AGBL1: variants seen among roughly 807,000 people sequenced by gnomAD.
The protein encoded by AGBL1 is AGBL carboxypeptidase 1.
Under a neutral mutation model 118.9 loss-of-function variants are expected in AGBL1, and 130 were observed. That is an observed-to-expected ratio of 1.09 (90% CI 0.95 to 1.26). The LOEUF is 1.26. Among genes scored for constraint, AGBL1 ranks in the 50% most tolerant of loss-of-function variants. The pLI, the probability that AGBL1 is intolerant of heterozygous loss-of-function variation, is 0.00. For missense variants in AGBL1, 1,584 were observed against 1,298.1 expected (o/e 1.22, Z -3.38); for synonymous variants, 555 against 478.9 (o/e 1.16, Z -2.08).
At chr15:86,846,318 C>T (rs149840553) in intron 22 of AGBL1, among the ~76,000 whole-genome samples, 18 of 152,234 alleles carry the variant, frequency 1.2e-4, no homozygotes, top group African/African-American at 2.4e-4. Context: ...TTCATTGCTC[C>T]GAGCATGTCA....
At chr15:86,101,399 CA>C (rs1896706170) in intron 1 of AGBL1, among the ~76,000 whole-genome samples, 1 of 44,918 alleles carries the variant, frequency 2.2e-5, no homozygotes, top group Non-Finnish European at 5.9e-5. Context: ...AGCTTAAATC[CA>C]ATGGTTTTTT....
At chr15:86,325,017 G>C (rs749506678) in intron 17 of AGBL1, among the ~76,000 whole-genome samples, 2 of 152,186 alleles carry the variant, frequency 1.3e-5, no homozygotes, top group Admixed American at 6.5e-5. Flanking sequence ...ACAGGGGACA[G>C]ATCTTGGAGT....
intron 22 of AGBL1, among the ~76,000 whole-genome samples, chr15:86,887,480 C>G (rs937077666): frequency 2.0e-5 from 3 of 152,172 alleles, no homozygotes; most frequent in Non-Finnish European, 4.4e-5. Flanking sequence ...GTTTAAGCAT[C>G]TCTCTCAAGC....
In AGBL1 at chr15:86,256,872, G is replaced by A. The variant is rs372045551; in HGVS notation, c.755G>A (p.Ser252Asn). Reference protein sequence around the residue: ...STTQNCLDDKSMEPVISVVLQ... With the variant: ...STTQNCLDDKNMEPVISVVLQ... ...GCTCAGAACTGCCTGGATGACAAGA[G>A]CATGGAGCCCGTCATCTCTGTGGTG... The change falls in exon 8 of 23, where the codon AGC becomes AAC. Residue 252 changes from serine to asparagine, a missense_variant. Physicochemically the swap from Ser to Asn is conservative, Grantham distance 46 (BLOSUM62 1). Transcript: ENST00000614907. The A allele has an allele frequency of 2.4e-5, 38 of 1,613,902 alleles. No homozygotes were observed. The Admixed American group carries it at 4.0e-4, about 17-fold the overall frequency.
chr15:86,165,735 C>G (rs543244577), intron 5 of AGBL1, among the ~76,000 whole-genome samples: 3 of 152,212 alleles, frequency 2.0e-5, no homozygotes. Context: ...TGTCTCAGCA[C>G]TTTCTGCTTG....
chr15:86,827,299 ATATG>A (rs1440989186), intron 22 of AGBL1, among the ~76,000 whole-genome samples: 2,336 of 16,372 alleles, frequency 0.14, 440 homozygotes, highest in East Asian at 0.46. Flanking sequence ...ATGTATATAT[ATATG>A]TATATATATA....
intron 23 of AGBL1, among the ~76,000 whole-genome samples, chr15:86,928,490 T>C (rs950751646): frequency 1.3e-5 from 2 of 152,194 alleles, no homozygotes; most frequent in Non-Finnish European, 2.9e-5. Context: ...TGAGCTAATA[T>C]GGACTGGAGC....
At chr15:86,759,055 T>G (rs969297772) in intron 22 of AGBL1, among the ~76,000 whole-genome samples, 2 of 151,956 alleles carry the variant, frequency 1.3e-5, no homozygotes, top group African/African-American at 2.4e-5. Context: ...TTGATATAGA[T>G]TTCTTTGAAT....
chr15:86,819,768 C>T (rs1290477354), intron 22 of AGBL1, among the ~76,000 whole-genome samples: 1 of 152,136 alleles, frequency 6.6e-6, no homozygotes, highest in Non-Finnish European at 1.5e-5. Flanking sequence ...CATTAACTTT[C>T]TTCACAGAAT....
In AGBL1 at chr15:86,141,525, C is replaced by A. The variant is rs140890210; in HGVS notation, c.52-479C>A. Reference sequence around the variant, plus strand: ...AACTAGCCAGGGGTGGTGGCACATGCCTGTAGCCCCAGTTACTTGGCAGGC... The same window carrying A: ...AACTAGCCAGGGGTGGTGGCACATGACTGTAGCCCCAGTTACTTGGCAGGC... On this transcript the variant is annotated intron_variant, in intron 1 of 22. Coordinates refer to ENST00000614907, the MANE Select transcript of AGBL1 (RefSeq NM_001386094.1). Among the ~76,000 whole-genome samples, 204 of 152,322 alleles carry A rather than the reference C, an allele frequency of 1.3e-3. 1 individual carries two copies. The highest frequency in any genetic ancestry group is 4.7e-3 in the African/African-American group (194 of 41,578).
chr15:86,858,606 A>T (rs1477321660), intron 22 of AGBL1, among the ~76,000 whole-genome samples: 3 of 152,202 alleles, frequency 2.0e-5, no homozygotes, highest in Non-Finnish European at 4.4e-5. Context: ...GTAAGCACTG[A>T]GACATAAATG....
intron 20 of AGBL1, among the ~76,000 whole-genome samples, chr15:86,552,170 A>G (rs1387194528): frequency 1.3e-5 from 2 of 152,202 alleles, no homozygotes; most frequent in Non-Finnish European, 2.9e-5. Context: ...TAGGTTCAGC[A>G]GTTACAACAA....
At chr15:86,478,518 C>G (rs1464794721) in intron 18 of AGBL1, among the ~76,000 whole-genome samples, 1 of 152,152 alleles carries the variant, frequency 6.6e-6, no homozygotes, top group African/African-American at 2.4e-5. Flanking sequence ...AGGAATCCAA[C>G]TTACAAGGGA....
chr15:86,155,855 C>T (rs7170520), intron 4 of AGBL1, among the ~76,000 whole-genome samples: 2,796 of 152,164 alleles, frequency 0.018, 89 homozygotes, highest in African/African-American at 0.062. Flanking sequence ...GCCTTAATGC[C>T]TTAACAAAAT....
chr15:86,829,350 C>T (rs1166743557), intron 22 of AGBL1, among the ~76,000 whole-genome samples: 1 of 152,120 alleles, frequency 6.6e-6, no homozygotes, highest in African/African-American at 2.4e-5. Context: ...TAAAGAGAAG[C>T]CTCTGCAACA....
In AGBL1 at chr15:87,008,904, G is replaced by A. The variant is rs1242095051; in HGVS notation, c.3324-19921G>A. 2.0e-5 allele frequency among the ~76,000 whole-genome samples: 3 copies of A among 152,292 alleles called. No individual in the cohort carries two copies. In the South Asian group the frequency reaches 6.2e-4, roughly 32 times the overall value. ...GCAGAAGAAATTTCTAAGTAGCAAA[G>A]CATTCAAGAGATTACTTGGGTGCTG... On this transcript the variant is annotated intron_variant, in intron 24 of 24. Coordinates refer to the AGBL1 transcript ENST00000441037.
intron 21 of AGBL1, among the ~76,000 whole-genome samples, chr15:86,588,027 A>G (rs1399718313): frequency 6.6e-6 from 1 of 152,158 alleles, no homozygotes; most frequent in Non-Finnish European, 1.5e-5. Context: ...AATAACTAAC[A>G]TATCTGCTGG....
In AGBL1 at chr15:86,735,653, G is replaced by GATATATATATATATATATATATAT. The variant is rs1460820444; in HGVS notation, c.3158+61218_3158+61219insTATATATATATATATATATATATA. On this transcript the variant is annotated intron_variant, in intron 22 of 22. Coordinates refer to ENST00000614907, the MANE Select transcript of AGBL1 (RefSeq NM_001386094.1). ...GTGTGTGTATTTCCTGCTACAAAGA[G>GATATATATATATATATATATATAT]AGATATATATATATATTTTATTTGT... 5.9e-4 allele frequency among the ~76,000 whole-genome samples: 84 copies of GATATATATATATATATATATATAT among 143,064 alleles called. 1 individual carries two copies. The East Asian group carries it at 0.011, about 18-fold the overall frequency. 93.9% of individuals were successfully genotyped at this position (143,064 alleles called of 152,430 possible).
intron 22 of AGBL1, among the ~76,000 whole-genome samples, chr15:86,702,284 A>G (rs1367549430): frequency 6.6e-6 from 1 of 152,120 alleles, no homozygotes; most frequent in African/African-American, 2.4e-5. Context: ...TATACCTGTA[A>G]TAATTCCCCA....
Sources: gnomAD v4.1 joint callset for allele counts (sites outside exome capture counted in the v4.1 genomes callset) on GRCh38, gnomAD v4.1.1 for gene constraint, MANE v1.5 for transcripts, NCBI Gene and HGNC (gene_info 2026-07-23, HGNC 2026-07-21) for gene names.